GIGYF2: variants seen among roughly 807,000 people sequenced by gnomAD.
The protein encoded by GIGYF2 is GRB10-interacting GYF protein 2.
GIGYF2 carries 25 observed loss-of-function variants against 208.1 expected under a neutral mutation model. The observed-to-expected ratio is 0.12, with a 90% CI of 0.09 to 0.17. The LOEUF is 0.17. GIGYF2 is among the 10% of genes least tolerant of loss of function. The pLI is 1.00. For missense variants in GIGYF2, 1,302 were observed against 1,579.4 expected, an observed-to-expected ratio of 0.82 and a Z score of 2.98; for synonymous variants, 534 against 543.8, an observed-to-expected ratio of 0.98 and a Z score of 0.25.
At chr2:232,813,474 T>C (rs1194919539) in intron 18 of GIGYF2, among the ~76,000 whole-genome samples, 1 of 152,206 alleles carries the variant, frequency 6.6e-6, no homozygotes. Flanking sequence ...CCCAAAGTGC[T>C]GGGATTACAG....
At chr2:232,700,470 C>T (rs1369970927) in intron 1 of GIGYF2, 1 of 152,156 alleles carries the variant, frequency 6.6e-6, no homozygotes, top group Non-Finnish European at 1.5e-5. Flanking sequence ...TATGATTGCC[C>T]TTCTGTAGGA....
At chr2:232,844,890 CTTAG>C (rs1468172505) in intron 25 of GIGYF2, among the ~76,000 whole-genome samples, 1 of 152,112 alleles carries the variant, frequency 6.6e-6, no homozygotes, top group African/African-American at 2.4e-5. Flanking sequence ...CTCTAGATAC[CTTAG>C]CATTTTTCCT....
intron 18 of GIGYF2, among the ~76,000 whole-genome samples, chr2:232,814,456 C>T (rs62193305): frequency 0.17 from 24,920 of 149,718 alleles, 2,606 homozygotes; most frequent in Non-Finnish European, 0.22. Flanking sequence ...CCAGCTACTC[C>T]GGAGGCTGAG....
chr2:232,830,880 G>A (rs1003815205), intron 21 of GIGYF2, among the ~76,000 whole-genome samples: 2 of 152,186 alleles, frequency 1.3e-5, no homozygotes, highest in Non-Finnish European at 2.9e-5. Flanking sequence ...TAGCTGTCAT[G>A]TCTCTTTAGG....
intron 7 of GIGYF2, 43 bp from the exon 8 acceptor site, chr2:232,761,353 A>G: frequency 1.5e-6 from 2 of 1,333,830 alleles, no homozygotes; most frequent in Non-Finnish European, 2.2e-6. Flanking sequence ...GGAAATCTAT[A>G]TCACTGTGAG....
chr2:232,832,398 A>G (rs1038566004), intron 21 of GIGYF2, among the ~76,000 whole-genome samples: 1 of 152,222 alleles, frequency 6.6e-6, no homozygotes, highest in Non-Finnish European at 1.5e-5. Context: ...GTGGGCCACA[A>G]GGGGCAAGAG....
chr2:232,787,931 T>G (rs1256028875), intron 9 of GIGYF2, among the ~76,000 whole-genome samples: 2 of 152,224 alleles, frequency 1.3e-5, no homozygotes, highest in Non-Finnish European at 2.9e-5. Context: ...ACTGTTCTTC[T>G]TGGACATTAG....
intron 22 of GIGYF2, among the ~76,000 whole-genome samples, chr2:232,834,149 A>G (rs1701508821): frequency 6.6e-6 from 1 of 152,184 alleles, no homozygotes; most frequent in Non-Finnish European, 1.5e-5. Flanking sequence ...CAGGTTCTGC[A>G]TAACTTCATG....
intron 28 of GIGYF2, among the ~76,000 whole-genome samples, chr2:232,852,981 A>G (rs1247310881): frequency 3.3e-5 from 5 of 152,184 alleles, no homozygotes; most frequent in Non-Finnish European, 7.3e-5. Context: ...AGGAATCCAT[A>G]TACCTTGAAG....
chr2:232,785,591 G>T (rs1014212141), intron 8 of GIGYF2, among the ~76,000 whole-genome samples: 3 of 152,210 alleles, frequency 2.0e-5, no homozygotes, highest in African/African-American at 7.2e-5. Flanking sequence ...TGTTAGTCCA[G>T]CTTATAATTG....
At chr2:232,788,979 A>G (rs975736661) in intron 9 of GIGYF2, among the ~76,000 whole-genome samples, 2 of 152,202 alleles carry the variant, frequency 1.3e-5, no homozygotes, top group African/African-American at 4.8e-5. Flanking sequence ...TATTCAAAGT[A>G]TAGCCTGATT....
intron 9 of GIGYF2, chr2:232,788,077 G>A (rs1028346711): frequency 1.3e-5 from 2 of 154,432 alleles, no homozygotes; most frequent in African/African-American, 4.8e-5. Context: ...AGCACACAGA[G>A]TATATGTGGA....
chr2:232,770,014 A>G (rs927019777), intron 8 of GIGYF2, among the ~76,000 whole-genome samples: 2 of 152,144 alleles, frequency 1.3e-5, no homozygotes, highest in African/African-American at 4.8e-5. Flanking sequence ...CCAAATTTCA[A>G]TTAGTGGTTA....
chr2:232,711,702 G>GATATATATATATATATATATAT (rs1490288263), intron 2 of GIGYF2, among the ~76,000 whole-genome samples: 1 of 50,494 alleles, frequency 2.0e-5, no homozygotes, highest in Non-Finnish European at 4.1e-5. Flanking sequence ...TCCTCACAAT[G>GATATATATATATATATATATAT]ATGTATATAT....
chr2:232,726,368 C>CA (rs1295867270), intron 2 of GIGYF2, among the ~76,000 whole-genome samples: 35,810 of 88,896 alleles, frequency 0.4, 5,909 homozygotes, highest in South Asian at 0.65. Flanking sequence ...GGCTCTGTCT[C>CA]AAAAAAAAAA....
intron 8 of GIGYF2, among the ~76,000 whole-genome samples, chr2:232,779,842 A>T (rs1323820336): frequency 1.3e-5 from 2 of 152,200 alleles, no homozygotes; most frequent in African/African-American, 4.8e-5. Context: ...GCTCTGTCCT[A>T]GCCACCCTGA....
intron 27 of GIGYF2, among the ~76,000 whole-genome samples, chr2:232,847,995 A>G (rs1001851623): frequency 2.6e-5 from 4 of 152,224 alleles, no homozygotes; most frequent in Non-Finnish European, 4.4e-5. Context: ...TACAGCAGTG[A>G]TTCTCATTAT....
chr2:232,781,112 C>G (rs1169363698), intron 8 of GIGYF2, among the ~76,000 whole-genome samples: 3 of 151,974 alleles, frequency 2.0e-5, no homozygotes, highest in African/African-American at 7.3e-5. Flanking sequence ...CGCACACTAC[C>G]AGGCCAGGCT....
rs185688081 is a variant in GIGYF2 at position 232,782,451 on chromosome 2, C to T, written c.533-4699C>T. On this transcript the variant is annotated intron_variant, in intron 8 of 28. Coordinates refer to ENST00000373563, the MANE Select transcript of GIGYF2 (RefSeq NM_001103146.3). Reference sequence around the variant, plus strand: ...TGGCAGTTTTGATGCTAAGTATATACCCAACAGAAATGCAAACATATACTT... The same window carrying T: ...TGGCAGTTTTGATGCTAAGTATATATCCAACAGAAATGCAAACATATACTT... 7.9e-5 allele frequency among the ~76,000 whole-genome samples: 12 copies of T among 152,242 alleles called. No homozygotes were observed. The East Asian group carries it at 2.3e-3, about 29-fold the overall frequency.
Sources: allele counts gnomAD v4.1 joint callset (sites outside exome capture counted in the v4.1 genomes callset), GRCh38; gene constraint gnomAD v4.1.1; transcripts MANE v1.5; gene names NCBI Gene and HGNC (gene_info 2026-07-23, HGNC 2026-07-21).